Variants in ASTN1 observed in about 807,000 individuals in gnomAD.
ASTN1 encodes astrotactin-1.
A neutral mutation model predicts 140.7 loss-of-function variants in ASTN1; 41 were observed. That is an observed-to-expected ratio of 0.29 (90% CI 0.23 to 0.38). The LOEUF (loss-of-function observed/expected upper bound fraction) is 0.38, where lower values mean the gene tolerates loss of function less well. Ranked by LOEUF, ASTN1 falls within the 10% of genes least tolerant of loss-of-function variation. The probability of loss-of-function intolerance (pLI) is 1.00; values close to 1 mark genes in which losing one functional copy is unlikely to be tolerated. For missense variants in ASTN1, 1,479 were observed against 1,678.8 expected (o/e 0.88, Z 2.08); for synonymous variants, 640 against 652.2 (o/e 0.98, Z 0.29).
chr1:177,040,853 T>C (rs990046013), intron 2 of ASTN1, among the ~76,000 whole-genome samples: 7 of 152,168 alleles, frequency 4.6e-5, no homozygotes, highest in Non-Finnish European at 8.8e-5. Context: ...GGGACAGTGG[T>C]TGGAGGCTAG....
intron 1 of ASTN1, 121 bp downstream of exon 1, chr1:177,164,273 C>A: frequency 9.0e-7 from 1 of 1,110,052 alleles, no homozygotes; most frequent in Non-Finnish European, 1.3e-6. Flanking sequence ...TGGGGCGGAT[C>A]CGGGAGGTAG....
chr1:177,140,751 G>A (rs1382161672), intron 1 of ASTN1, among the ~76,000 whole-genome samples: 8 of 152,152 alleles, frequency 5.3e-5, no homozygotes, highest in Non-Finnish European at 2.9e-5. Context: ...GCATGTTAAG[G>A]TGAGAAGTGC....
intron 15 of ASTN1, among the ~76,000 whole-genome samples, chr1:176,935,761 TTCTCTCTC>T (rs879671358): frequency 1.3e-5 from 2 of 148,794 alleles, no homozygotes; most frequent in African/African-American, 4.9e-5. Context: ...CTCTCTCTCT[TTCTCTCTC>T]TCTCTCTCTC....
rs113611348 is a variant in ASTN1 at position 176,925,246 on chromosome 1, C to T, written c.2671+8906G>A. On this transcript the variant is annotated intron_variant, in intron 16 of 22. Transcript: ENST00000361833. ...ATCAGGACATAACCCCGGAGACCACCGTGCCATGGCTCCAGTGTCGAAGTT... is the reference window on the plus strand; with the variant it reads ...ATCAGGACATAACCCCGGAGACCACTGTGCCATGGCTCCAGTGTCGAAGTT... Among the ~76,000 whole-genome samples the T allele has an allele frequency of 3.0e-3, 460 of 152,232 alleles. 3 individuals carry two copies. The highest frequency in any genetic ancestry group is 0.01 in the African/African-American group (428 of 41,536).
At chr1:177,149,603 A>G (rs1321119736) in intron 1 of ASTN1, among the ~76,000 whole-genome samples, 1 of 91,316 alleles carries the variant, frequency 1.1e-5, no homozygotes, top group Non-Finnish European at 1.8e-5. Flanking sequence ...TACACTGTAT[A>G]TATATAGTAA....
intron 2 of ASTN1, among the ~76,000 whole-genome samples, chr1:177,035,854 G>A (rs990746879): frequency 1.3e-5 from 2 of 152,068 alleles, no homozygotes; most frequent in Non-Finnish European, 2.9e-5. Context: ...ACCATGTGTG[G>A]AGCCTAGACA....
chr1:177,135,317 G>C (rs10489307), intron 1 of ASTN1, among the ~76,000 whole-genome samples: 24,034 of 151,014 alleles, frequency 0.16, 3,916 homozygotes, highest in African/African-American at 0.42. Flanking sequence ...ACCATATGAA[G>C]ACAGTACCTG....
intron 10 of ASTN1, among the ~76,000 whole-genome samples, 169 bp from the exon 11 acceptor site, chr1:176,957,997 T>C (rs1233087744): frequency 1.3e-5 from 2 of 152,222 alleles, no homozygotes; most frequent in East Asian, 1.9e-4. Context: ...ACGATGGGCA[T>C]TCTCCGTATC....
Position 177,164,661 on chromosome 1 carries a change from G to T in ASTN1, c.16C>A (p.Leu6Ile), listed in dbSNP as rs749024410. 6.3e-7 allele frequency: 1 copy of T among 1,586,832 alleles called. No individual in the cohort carries two copies. Among genetic ancestry groups the T allele is most frequent in the South Asian group, 1.1e-5 (1 of 88,268 alleles). MALAG[L>I]CALLACCWGP... ...CAGCAGCAGGCGAGCAGGGCGCAGA[G>T]CCCGGCTAAAGCCATCTTGAGCCCC... Residue 6 changes from leucine to isoleucine, a missense_variant, in exon 1 of 23, where the codon CTC becomes ATC. This residue lies in a region of ASTN1 where 729 missense variants were observed against 860.4 expected (regional missense o/e 0.85). Coordinates refer to ENST00000361833, the MANE Select transcript of ASTN1 (RefSeq NM_004319.3).
intron 1 of ASTN1, among the ~76,000 whole-genome samples, chr1:177,153,590 A>G (rs1047089639): frequency 6.6e-6 from 1 of 152,140 alleles, no homozygotes; most frequent in African/African-American, 2.4e-5. Context: ...AATATTCAGG[A>G]AAAAAATGAT....
chr1:177,044,176 T>TACGC (rs1553248862), intron 2 of ASTN1, among the ~76,000 whole-genome samples: 20 of 143,316 alleles, frequency 1.4e-4, no homozygotes, highest in Non-Finnish European at 2.7e-4. Context: ...AAAAAAAAAA[T>TACGC]ACACACACAC....
intron 2 of ASTN1, among the ~76,000 whole-genome samples, chr1:177,037,707 C>A (rs571547904): frequency 6.6e-6 from 1 of 152,174 alleles, no homozygotes; most frequent in African/African-American, 2.4e-5. Flanking sequence ...GCTCATTATT[C>A]ATCTTTGCAT....
intron 16 of ASTN1, among the ~76,000 whole-genome samples, chr1:176,905,759 G>A (rs1199079845): frequency 2.0e-5 from 3 of 152,040 alleles, no homozygotes; most frequent in African/African-American, 2.4e-5. Context: ...TTCACCTCTC[G>A]GTGACCTGTG....
intron 13 of ASTN1, among the ~76,000 whole-genome samples, chr1:176,944,756 C>T (rs1671881882): frequency 6.6e-6 from 1 of 152,182 alleles, no homozygotes; most frequent in East Asian, 1.9e-4. Flanking sequence ...GTCCCTACTT[C>T]CTGACCTCCT....
chr1:177,055,396 C>T (rs1467824514), intron 2 of ASTN1, among the ~76,000 whole-genome samples: 1 of 152,252 alleles, frequency 6.6e-6, no homozygotes. Context: ...TTAGTTGGCA[C>T]TTGACATGGT....
At chr1:177,003,129 C>T (rs540064956) in intron 8 of ASTN1, among the ~76,000 whole-genome samples, 8 of 152,232 alleles carry the variant, frequency 5.3e-5, no homozygotes, top group Non-Finnish European at 1.2e-4. Context: ...TCCTCTCTAA[C>T]TCATTCTATG....
Position 176,883,993 on chromosome 1 carries a change from G to A in ASTN1, c.3226+346C>T, listed in dbSNP as rs570868854. ...TCATGGCAGTGGTTAGCAGAGAATTGTTTCCTAATTGTGGGCTAGGATAAC... is the reference window on the plus strand; with the variant it reads ...TCATGGCAGTGGTTAGCAGAGAATTATTTCCTAATTGTGGGCTAGGATAAC... On this transcript the variant is annotated intron_variant, in intron 19 of 22. Coordinates refer to ENST00000361833, the MANE Select transcript of ASTN1 (RefSeq NM_004319.3). Among the ~76,000 whole-genome samples the A allele has an allele frequency of 2.6e-5, 4 of 152,306 alleles. No homozygotes were observed. In the South Asian group the frequency reaches 8.3e-4, roughly 32 times the overall value.
At chr1:176,995,951 T>C (rs1442643305) in intron 8 of ASTN1, among the ~76,000 whole-genome samples, 2 of 152,116 alleles carry the variant, frequency 1.3e-5, no homozygotes, top group South Asian at 2.1e-4. Flanking sequence ...TGCTGGACCC[T>C]GGCAAGGGCC....
intron 1 of ASTN1, among the ~76,000 whole-genome samples, chr1:177,129,688 G>A (rs1558116797): frequency 6.6e-6 from 1 of 152,182 alleles, no homozygotes; most frequent in East Asian, 1.9e-4. Flanking sequence ...AGAACCCTTC[G>A]CTGGAAGTGG....
Sources: allele counts gnomAD v4.1 joint callset (sites outside exome capture counted in the v4.1 genomes callset), GRCh38; gene constraint gnomAD v4.1.1; regional missense constraint gnomAD v4.1.1; transcripts MANE v1.5; gene names NCBI Gene and HGNC (gene_info 2026-07-23, HGNC 2026-07-21).